The following CASK variants were observed in gnomAD, a reference collection of about 807,000 sequenced individuals.
CASK encodes peripheral plasma membrane protein CASK.
A neutral mutation model predicts 82.9 loss-of-function variants in CASK; 4 were observed. The ratio of observed to expected loss-of-function variants is 0.05; its 90% CI spans 0.02 to 0.11. The LOEUF (loss-of-function observed/expected upper bound fraction) is 0.11, where lower values mean the gene tolerates loss of function less well. Ranked by LOEUF, CASK falls within the 10% of genes least tolerant of loss-of-function variation. CASK has a pLI of 1.00. For missense variants in CASK, 358 were observed against 720.9 expected (o/e 0.50, Z 5.76); for synonymous variants, 259 against 253.5 (o/e 1.02, Z -0.20).
At chrX:41,578,269 G>A in intron 15 of CASK, 71 bp downstream of exon 15, 1 of 780,963 alleles carries the variant, frequency 1.3e-6, no homozygotes, top group South Asian at 2.2e-5. Flanking sequence ...TAGTAGCATA[G>A]GTTGAAGTTA....
intron 6 of CASK, among the ~76,000 whole-genome samples, chrX:41,666,121 T>C (rs2067113386): frequency 8.9e-6 from 1 of 112,215 alleles, no homozygotes; most frequent in African/African-American, 3.2e-5. Context: ...CATTAACATA[T>C]GAAGAGAATG....
intron 1 of CASK, among the ~76,000 whole-genome samples, chrX:41,887,296 CCACACA>C (rs3055225): frequency 0.012 from 975 of 83,412 alleles, 9 homozygotes; most frequent in African/African-American, 0.026. Context: ...CTAGTTGAGT[CCACACA>C]CACACACACA....
At chrX:41,867,021 CCA>C in intron 1 of CASK, among the ~76,000 whole-genome samples, 1 of 112,140 alleles carries the variant, frequency 8.9e-6, no homozygotes, top group Middle Eastern at 4.6e-3. Context: ...TCTAACATTG[CCA>C]CAGTCTATTT....
intron 2 of CASK, among the ~76,000 whole-genome samples, chrX:41,839,574 C>G (rs2070995033): frequency 9.6e-6 from 1 of 103,908 alleles, no homozygotes; most frequent in African/African-American, 3.5e-5. Flanking sequence ...TCTGCGTAGA[C>G]TGTCATGTCA....
intron 12 of CASK, among the ~76,000 whole-genome samples, chrX:41,592,582 ACATAGATTC>A (rs1197704417): frequency 4.5e-5 from 5 of 111,171 alleles, no homozygotes; most frequent in African/African-American, 1.6e-4. Flanking sequence ...TACTTATGGA[ACATAGATTC>A]CTGGACCCCC....
intron 15 of CASK, among the ~76,000 whole-genome samples, chrX:41,570,162 C>A (rs1395443971): frequency 4.6e-5 from 5 of 108,425 alleles, no homozygotes; most frequent in African/African-American, 1.7e-4. Context: ...GCCACCATGC[C>A]AAGCTAATTT....
intron 2 of CASK, among the ~76,000 whole-genome samples, chrX:41,824,735 T>C (rs1298471421): frequency 9.0e-6 from 1 of 111,490 alleles, no homozygotes; most frequent in East Asian, 2.8e-4. Flanking sequence ...TGAGTCCCAC[T>C]AGCATGGTGT....
chrX:41,795,056 G>A (rs1311834309), intron 2 of CASK, among the ~76,000 whole-genome samples: 2 of 111,233 alleles, frequency 1.8e-5, no homozygotes, highest in African/African-American at 6.5e-5. Flanking sequence ...AATGAATGAG[G>A]TAAAAATTCT....
rs761332593 is a variant in CASK, at chrX:41,696,113, A to G, written c.430-24583T>C. On this transcript the variant is annotated intron_variant, in intron 5 of 26. Coordinates refer to ENST00000378163, the MANE Select transcript of CASK (RefSeq NM_001367721.1). Reference sequence around the variant, plus strand: ...GCTATATAAAAATTAATCGGTCTATACAGCAACGGAAGGCAATAACAACCA... The same window carrying G: ...GCTATATAAAAATTAATCGGTCTATGCAGCAACGGAAGGCAATAACAACCA... 6 of 1,204,287 alleles carry G rather than the reference A, an allele frequency of 5.0e-6. No individual in the cohort carries two copies. The African/African-American group carries it at 8.8e-5, about 18-fold the overall frequency.
At chrX:41,833,071 G>A (rs1259607560) in intron 2 of CASK, among the ~76,000 whole-genome samples, 4 of 112,435 alleles carry the variant, frequency 3.6e-5, no homozygotes, top group Non-Finnish European at 5.6e-5. Context: ...CATGTTGAAT[G>A]ATTCAAACTT....
At chrX:41,600,459 C>G (rs2065877571) in intron 12 of CASK, among the ~76,000 whole-genome samples, 1 of 112,268 alleles carries the variant, frequency 8.9e-6, no homozygotes, top group South Asian at 3.7e-4. Flanking sequence ...AAAGAAGAAT[C>G]AGTGCTTATT....
intron 1 of CASK, among the ~76,000 whole-genome samples, chrX:41,859,140 T>G (rs190118873): frequency 4.6e-4 from 51 of 111,455 alleles, no homozygotes; most frequent in African/African-American, 1.6e-3. Context: ...TTTCTGTCCA[T>G]AACAACAGGC....
At chrX:41,858,500 G>A (rs1008259383) in intron 1 of CASK, among the ~76,000 whole-genome samples, 49 of 111,524 alleles carry the variant, frequency 4.4e-4, no homozygotes, top group African/African-American at 1.5e-3. Flanking sequence ...GGCAGCCAGT[G>A]CCCCCCACCA....
intron 5 of CASK, among the ~76,000 whole-genome samples, chrX:41,687,965 C>CA (rs76783862): frequency 9.2e-3 from 220 of 24,031 alleles, no homozygotes; most frequent in East Asian, 0.078. Flanking sequence ...AACTCCGTCT[C>CA]AAAAAAAAAA....
chrX:41,778,928 G>A (rs1197674715), intron 3 of CASK, among the ~76,000 whole-genome samples: 5 of 108,720 alleles, frequency 4.6e-5, no homozygotes, highest in African/African-American at 1.3e-4. Context: ...ATTATATTTT[G>A]TTTGCAGATC....
chrX:41,565,822 T>C (rs1357713744), intron 16 of CASK, among the ~76,000 whole-genome samples: 1 of 111,713 alleles, frequency 9.0e-6, no homozygotes, highest in African/African-American at 3.3e-5. Context: ...TGAACATTGA[T>C]ACGAAAATCC....
chrX:41,682,543 A>AAG lies in CASK; in HGVS notation c.430-11014_430-11013insCT, dbSNP rs1325703024. Among the ~76,000 whole-genome samples the AAG allele has an allele frequency of 2.3e-3, 239 of 105,701 alleles. 1 individual carries two copies. The highest frequency in any genetic ancestry group is 3.8e-3 in the Non-Finnish European group (193 of 51,347). The allele number at this position is 105,701 out of a possible 115,157, so 91.8% of individuals were successfully genotyped here. A position where few individuals can be genotyped will look rare whatever the true frequency, so the allele number is the denominator to read the frequency against. ...GACTGTCTCAGGAAAAAAAAAAAAA[A>AAG]AAAAAAAAAAAAAATGAAGGATCTA... On this transcript the variant is annotated intron_variant, in intron 5 of 26. Coordinates refer to ENST00000378163, the MANE Select transcript of CASK (RefSeq NM_001367721.1).
chrX:41,814,762 A>C (rs1002699121), intron 2 of CASK, among the ~76,000 whole-genome samples: 2 of 112,107 alleles, frequency 1.8e-5, no homozygotes, highest in Non-Finnish European at 3.8e-5. Context: ...AGAAATGCAA[A>C]TAAAGATTTT....
At chrX:41,704,707 TTTC>T (rs2067857356) in intron 5 of CASK, among the ~76,000 whole-genome samples, 1 of 112,157 alleles carries the variant, frequency 8.9e-6, no homozygotes, top group South Asian at 3.7e-4. Flanking sequence ...TCCAATAGGT[TTTC>T]TTATCCCAAT....
Sources: allele counts gnomAD v4.1 joint callset (sites outside exome capture counted in the v4.1 genomes callset), GRCh38; gene constraint gnomAD v4.1.1; transcripts MANE v1.5; gene names NCBI Gene and HGNC (gene_info 2026-07-23, HGNC 2026-07-21).